Variants in FMR1NB observed in about 807,000 individuals in gnomAD.
The protein encoded by FMR1NB is FMR1 neighbor.
A neutral mutation model predicts 16.8 loss-of-function variants in FMR1NB; 10 were observed. The ratio of observed to expected loss-of-function variants is 0.60; its 90% CI spans 0.37 to 1.01. FMR1NB has a LOEUF of 1.01. FMR1NB is among the 50% of genes least tolerant of loss of function. The pLI is 0.01. For synonymous variants in FMR1NB, 83 were observed against 79.1 expected (o/e 1.05, Z -0.26); for missense variants, 205 against 204.8 (o/e 1.00, Z 0.00).
chrX:147,988,775 C>T (rs1313305409), intron 1 of FMR1NB, among the ~76,000 whole-genome samples: 5 of 111,259 alleles, frequency 4.5e-5, no homozygotes, highest in African/African-American at 1.6e-4. Context: ...TCCCTAATAT[C>T]CTTTCTTCTT....
intron 4 of FMR1NB, among the ~76,000 whole-genome samples, chrX:148,023,996 T>A (rs782289956): frequency 2.7e-4 from 30 of 111,613 alleles, no homozygotes; most frequent in Admixed American, 1.5e-3. Context: ...AAAATGGGAA[T>A]GATAGAAATA....
chrX:148,025,342 T>C (rs782533538), intron 5 of FMR1NB, among the ~76,000 whole-genome samples: 6 of 111,279 alleles, frequency 5.4e-5, no homozygotes, highest in Non-Finnish European at 1.1e-4. Context: ...AAGGCCACAG[T>C]CCTCATATGT....
intron 1 of FMR1NB, among the ~76,000 whole-genome samples, chrX:147,984,168 CT>C (rs1189414736): frequency 2.7e-5 from 3 of 111,828 alleles, no homozygotes; most frequent in Non-Finnish European, 5.6e-5. Context: ...CATTTTCGTT[CT>C]TCTTTATCCA....
intron 1 of FMR1NB, among the ~76,000 whole-genome samples, chrX:147,988,338 C>T (rs1557187289): frequency 9.0e-6 from 1 of 111,416 alleles, no homozygotes; most frequent in Non-Finnish European, 1.9e-5. Context: ...ATATTGGCCC[C>T]ACTCTATTCT....
At chrX:148,016,914 A>G (rs1021863049) in intron 4 of FMR1NB, among the ~76,000 whole-genome samples, 58 of 111,080 alleles carry the variant, frequency 5.2e-4, no homozygotes, top group Non-Finnish European at 7.0e-4. Context: ...TTGTTATAAT[A>G]TTTTGTGGTT....
intron 4 of FMR1NB, among the ~76,000 whole-genome samples, chrX:148,016,997 C>G (rs1457300028): frequency 9.0e-6 from 1 of 111,289 alleles, no homozygotes; most frequent in Non-Finnish European, 1.9e-5. Context: ...ACACCCTTTT[C>G]TTTCTCATTA....
chrX:148,015,050 A>T (rs2392879), intron 4 of FMR1NB, among the ~76,000 whole-genome samples: 24,984 of 110,687 alleles, frequency 0.23, 3,614 homozygotes, highest in African/African-American at 0.53. Context: ...GGTTCAATTT[A>T]GTTAGGTTGT....
chrX:148,013,434 G>T (rs1603084634), intron 4 of FMR1NB, among the ~76,000 whole-genome samples: 1 of 111,488 alleles, frequency 9.0e-6, no homozygotes. Context: ...ATCTCAGTCT[G>T]CTTTTCTTTG....
chrX:148,015,557 T>G (rs2044645508), intron 4 of FMR1NB, among the ~76,000 whole-genome samples: 1 of 112,458 alleles, frequency 8.9e-6, no homozygotes, highest in South Asian at 3.7e-4. Context: ...AATTTCCTTC[T>G]TAATCTCTTC....
chrX:147,988,071 T>G (rs1356601209), intron 1 of FMR1NB, among the ~76,000 whole-genome samples: 7 of 111,798 alleles, frequency 6.3e-5, no homozygotes, highest in African/African-American at 1.6e-4. Flanking sequence ...GCTAGCTGTT[T>G]TGCACATTAG....
intron 4 of FMR1NB, among the ~76,000 whole-genome samples, chrX:148,018,240 C>G (rs1488176195): frequency 9.0e-6 from 1 of 111,536 alleles, no homozygotes; most frequent in Non-Finnish European, 1.9e-5. Flanking sequence ...TTCTAACTGG[C>G]GTGAGAGGGT....
chrX:147,987,521 G>T (rs1473701983), intron 1 of FMR1NB, among the ~76,000 whole-genome samples: 1 of 111,418 alleles, frequency 9.0e-6, no homozygotes, highest in East Asian at 2.8e-4. Context: ...TGTTGATTTG[G>T]GGTAGAGTCT....
chrX:147,992,368 C>T (rs371153151), intron 1 of FMR1NB, among the ~76,000 whole-genome samples: 3,288 of 48,030 alleles, frequency 0.068, 281 homozygotes, highest in East Asian at 0.43. Context: ...CCGGACGGGG[C>T]GGCTGGCTGG....
chrX:148,003,140 G>A, intron 1 of FMR1NB, 61 bp from the exon 2 acceptor site: 2 of 1,102,982 alleles, frequency 1.8e-6, no homozygotes, highest in African/African-American at 1.8e-5. Context: ...TACCATTCAA[G>A]GGTCATTGAA....
At chrX:148,008,961 C>G (rs1417334407) in intron 4 of FMR1NB, among the ~76,000 whole-genome samples, 1 of 110,845 alleles carries the variant, frequency 9.0e-6, no homozygotes, top group East Asian at 2.8e-4. Context: ...GGGTGGATCA[C>G]TTGAGGTCAG....
At chrX:147,981,878 A>G (rs1196980342) in intron 1 of FMR1NB, among the ~76,000 whole-genome samples, 199 bp downstream of exon 1, 1 of 111,702 alleles carries the variant, frequency 9.0e-6, no homozygotes, top group African/African-American at 3.3e-5. Flanking sequence ...GGCCGCAGGA[A>G]GTCTTTCCTG....
intron 1 of FMR1NB, among the ~76,000 whole-genome samples, chrX:147,994,263 G>GC (rs2044530549): frequency 9.0e-6 from 1 of 111,684 alleles, no homozygotes; most frequent in African/African-American, 3.3e-5. Flanking sequence ...TTGGGCAGTG[G>GC]CATCACAACT....
intron 4 of FMR1NB, among the ~76,000 whole-genome samples, chrX:148,019,491 A>AAGAGTT (rs1402712398): frequency 1.8e-5 from 2 of 111,705 alleles, no homozygotes; most frequent in Non-Finnish European, 3.8e-5. Flanking sequence ...CTGGGCATTG[A>AAGAGTT]AGAGTTAGGT....
chrX:148,005,299 C>T (rs2044590667), intron 2 of FMR1NB, among the ~76,000 whole-genome samples: 1 of 111,490 alleles, frequency 9.0e-6, no homozygotes, highest in South Asian at 3.8e-4. Flanking sequence ...TAACCCTAAC[C>T]CTAACCCTCT....
Sources: allele counts gnomAD v4.1 joint callset (sites outside exome capture counted in the v4.1 genomes callset), GRCh38; gene constraint gnomAD v4.1.1; transcripts MANE v1.5; gene names NCBI Gene and HGNC (gene_info 2026-07-23, HGNC 2026-07-21).